DAB1: variants seen among roughly 807,000 people sequenced by gnomAD.
The protein encoded by DAB1 is DAB adaptor protein 1.
A neutral mutation model predicts 64.6 loss-of-function variants in DAB1; 15 were observed. That is an observed-to-expected ratio of 0.23 (90% CI 0.16 to 0.36). DAB1 has a LOEUF of 0.36. Among genes scored for constraint, DAB1 ranks in the 10% least tolerant of loss-of-function variants. The pLI, the probability that DAB1 is intolerant of heterozygous loss-of-function variation, is 1.00. For missense variants in DAB1, 596 were observed against 706.7 expected, an observed-to-expected ratio of 0.84 and a Z score of 1.78; for synonymous variants, 235 against 251.9, an observed-to-expected ratio of 0.93 and a Z score of 0.64.
intron 1 of DAB1, among the ~76,000 whole-genome samples, chr1:57,355,812 G>T (rs559636512): frequency 6.9e-6 from 1 of 145,370 alleles, no homozygotes; most frequent in Non-Finnish European, 1.5e-5. Context: ...GCAATGGAGA[G>T]AAATAATAGG....
chr1:57,305,963 C>G (rs570572481), intron 1 of DAB1, among the ~76,000 whole-genome samples: 12 of 138,882 alleles, frequency 8.6e-5, no homozygotes, highest in African/African-American at 3.1e-4. Context: ...AGCAAGACTC[C>G]GTCTCAAAAA....
At chr1:57,065,479 A>T (rs552085670) in intron 8 of DAB1, among the ~76,000 whole-genome samples, 1 of 152,282 alleles carries the variant, frequency 6.6e-6, no homozygotes, top group East Asian at 1.9e-4. Context: ...GAATTATTGC[A>T]TCACATTGTA....
intron 4 of DAB1, among the ~76,000 whole-genome samples, chr1:57,078,742 T>G (rs921897880): frequency 6.6e-5 from 10 of 152,178 alleles, no homozygotes; most frequent in African/African-American, 2.4e-4. Flanking sequence ...GGTGGAAGTG[T>G]GATTTGGTGC....
At chr1:58,471,270 A>G (rs1189145497) in intron 3 of DAB1, among the ~76,000 whole-genome samples, 1 of 152,182 alleles carries the variant, frequency 6.6e-6, no homozygotes, top group African/African-American at 2.4e-5. Flanking sequence ...GATAAAAGAC[A>G]TAGGTAAAAA....
chr1:58,515,672 C>A (rs1646147848), intron 2 of DAB1, among the ~76,000 whole-genome samples: 1 of 152,114 alleles, frequency 6.6e-6, no homozygotes. Flanking sequence ...AATCATTAAG[C>A]AAAGAACCTA....
At chr1:58,434,350 T>G (rs1008621375) in intron 3 of DAB1, among the ~76,000 whole-genome samples, 1 of 150,926 alleles carries the variant, frequency 6.6e-6, no homozygotes, top group Admixed American at 6.6e-5. Flanking sequence ...AGTAGCTCTC[T>G]GGATATAAAC....
At chr1:57,885,368 G>T (rs1406935632), upstream of DAB1, among the ~76,000 whole-genome samples, 1 of 152,146 alleles carries the variant, frequency 6.6e-6, no homozygotes, top group African/African-American at 2.4e-5. Context: ...TCTAGCCCCG[G>T]CACCCTGCAG....
intron 5 of DAB1, among the ~76,000 whole-genome samples, chr1:57,976,264 T>A (rs1233060733): frequency 6.6e-6 from 1 of 152,186 alleles, no homozygotes; most frequent in Non-Finnish European, 1.5e-5. Context: ...TAGAAAGCAG[T>A]GCACCACTCA....
chr1:58,501,668 A>G (rs1645908303), intron 3 of DAB1, among the ~76,000 whole-genome samples: 1 of 152,132 alleles, frequency 6.6e-6, no homozygotes, highest in South Asian at 2.1e-4. Context: ...ACCTTCTTTG[A>G]CTGCTGAAGG....
At chr1:57,866,057 G>A (rs560966543) in intron 1 of DAB1, among the ~76,000 whole-genome samples, 5 of 152,320 alleles carry the variant, frequency 3.3e-5, no homozygotes, top group Non-Finnish European at 7.3e-5. Flanking sequence ...TCCCATTCAT[G>A]AGAGCAGAGG....
chr1:58,046,413 C>T (rs569827572), intron 5 of DAB1, among the ~76,000 whole-genome samples: 2 of 152,226 alleles, frequency 1.3e-5, no homozygotes, highest in African/African-American at 4.8e-5. Flanking sequence ...CCATAGAACA[C>T]ATTTACATAA....
At chr1:57,380,942 G>A (rs1402583571) in intron 1 of DAB1, among the ~76,000 whole-genome samples, 1 of 152,140 alleles carries the variant, frequency 6.6e-6, no homozygotes, top group Non-Finnish European at 1.5e-5. Flanking sequence ...TGATGAGTAT[G>A]AGTCTCCTAT....
At position 57,777,396 on chromosome 1, in the gene DAB1, C is replaced by T. The variant is rs1649862691; in HGVS notation, n.551+106603G>A. On this transcript the variant is annotated intron_variant and non_coding_transcript_variant, in intron 6 of 20. Coordinates refer to the DAB1 transcript ENST00000485760. ...CCATCATTCAAATAATTTTTGTTTT[C>T]TTTCTTTCCTTCTGAGATTCAAATT... Among the ~76,000 whole-genome samples the T allele has an allele frequency of 4.0e-5, 6 of 150,962 alleles. No individual in the cohort carries two copies. In the South Asian group the frequency reaches 1.2e-3, roughly 31 times the overall value.
intron 2 of DAB1, among the ~76,000 whole-genome samples, chr1:57,260,630 C>T (rs1182832498): frequency 6.6e-6 from 1 of 152,168 alleles, no homozygotes; most frequent in Non-Finnish European, 1.5e-5. Flanking sequence ...AGAGCCTTTA[C>T]AGGATCCTCT....
intron 5 of DAB1, among the ~76,000 whole-genome samples, chr1:57,922,570 TG>T (rs1456707636): frequency 6.6e-6 from 1 of 151,812 alleles, no homozygotes; most frequent in African/African-American, 2.4e-5. Flanking sequence ...CCCGAAAAAA[TG>T]TTCCATGGGT....
In DAB1 at chr1:57,650,758, C is replaced by T. The variant is rs151091782; in HGVS notation, n.552-1093G>A. On this transcript the variant is annotated intron_variant and non_coding_transcript_variant, in intron 6 of 20. Transcript: ENST00000485760. ...CTCCAATATCACAATTCCTGTACCA[C>T]TTTTCTCAATTAGTTGGGGACTCCC... Among the ~76,000 whole-genome samples, 536 of 152,290 alleles carry T rather than the reference C, an allele frequency of 3.5e-3. 2 individuals are homozygous for T. The highest frequency in any genetic ancestry group is 0.012 in the African/African-American group (516 of 41,560).
intron 3 of DAB1, among the ~76,000 whole-genome samples, chr1:57,144,167 T>C (rs542670017): frequency 6.6e-6 from 1 of 152,124 alleles, no homozygotes; most frequent in South Asian, 2.1e-4. Context: ...CATTTTTCTG[T>C]ATTTTCAAAA....
In DAB1 at chr1:57,727,017, A is replaced by C. The variant is rs192833950; in HGVS notation, n.552-77352T>G. Among the ~76,000 whole-genome samples the C allele has an allele frequency of 3.5e-3, 527 of 152,320 alleles. 3 individuals carry two copies. The highest frequency in any genetic ancestry group is 0.012 in the African/African-American group (504 of 41,570). On this transcript the variant is annotated intron_variant and non_coding_transcript_variant, in intron 6 of 20. Coordinates refer to the DAB1 transcript ENST00000485760. ...TGACCAGTTGAGTGTGAATTTATGAAAAGAACACTAAGGCAGCCATGAGCA... is the reference window on the plus strand; with the variant it reads ...TGACCAGTTGAGTGTGAATTTATGACAAGAACACTAAGGCAGCCATGAGCA...
At chr1:58,165,878 C>G (rs551030330) in intron 4 of DAB1, among the ~76,000 whole-genome samples, 1 of 152,290 alleles carries the variant, frequency 6.6e-6, no homozygotes, top group East Asian at 1.9e-4. Flanking sequence ...TGCTACACAT[C>G]TTATGTGTGT....
Sources: gnomAD v4.1 joint callset for allele counts (sites outside exome capture counted in the v4.1 genomes callset) on GRCh38, gnomAD v4.1.1 for gene constraint, MANE v1.5 for transcripts, NCBI Gene and HGNC (gene_info 2026-07-23, HGNC 2026-07-21) for gene names.